The following LATS1 variants were observed in gnomAD, a reference collection of about 807,000 sequenced individuals.
The protein encoded by LATS1 is large tumor suppressor kinase 1, also known as serine/threonine-protein kinase LATS1.
A neutral mutation model predicts 106.6 loss-of-function variants in LATS1; 25 were observed. That is an observed-to-expected ratio of 0.23 (90% CI 0.17 to 0.33). The LOEUF (loss-of-function observed/expected upper bound fraction) is 0.33, where lower values mean the gene tolerates loss of function less well. Among genes scored for constraint, LATS1 ranks in the 10% least tolerant of loss-of-function variants. The probability of loss-of-function intolerance (pLI) is 1.00; values close to 1 mark genes in which losing one functional copy is unlikely to be tolerated. For missense variants in LATS1, 1,040 were observed against 1,382.6 expected, an observed-to-expected ratio of 0.75 and a Z score of 3.93; for synonymous variants, 465 against 455.6, an observed-to-expected ratio of 1.02 and a Z score of -0.26.
intron 3 of LATS1, among the ~76,000 whole-genome samples, chr6:149,686,484 C>T (rs746457506): frequency 3.3e-5 from 5 of 152,140 alleles, no homozygotes; most frequent in South Asian, 4.1e-4. Context: ...CCATGCCCTC[C>T]GGATCCACTC....
rs1781962635 is a variant in LATS1 at position 149,680,288 on chromosome 6, G to C, written c.2180C>G (p.Thr727Ser). ...AGTTTTTGTTGCATACAAAGCCTTAGTATCTACTTTTCTTGCTAGACAGAC... is the reference window on the plus strand; with the variant it reads ...AGTTTTTGTTGCATACAAAGCCTTACTATCTACTTTTCTTGCTAGACAGAC... Reference protein sequence around the residue: ...GEVCLARKVDTKALYATKTLR... With the variant: ...GEVCLARKVDSKALYATKTLR... The change falls in exon 5 of 8, where the codon ACT becomes AGT. Residue 727 changes from threonine to serine, a missense_variant. Transcript: ENST00000543571. The C allele has an allele frequency of 6.2e-7, 1 of 1,613,750 alleles. No homozygotes were observed. Among genetic ancestry groups the C allele is most frequent in the African/African-American group, 1.3e-5 (1 of 75,048 alleles).
intron 2 of LATS1, among the ~76,000 whole-genome samples, chr6:149,696,372 C>G (rs1291554100): frequency 6.7e-6 from 1 of 149,458 alleles, no homozygotes; most frequent in Non-Finnish European, 1.5e-5. Context: ...AGCTCCAGAC[C>G]AGCCTGACCA....
chr6:149,685,569 A>G (rs1782326300), intron 3 of LATS1, among the ~76,000 whole-genome samples: 1 of 152,096 alleles, frequency 6.6e-6, no homozygotes, highest in Admixed American at 6.6e-5. Flanking sequence ...TATTTTTAGT[A>G]GAGACGGGGT....
At chr6:149,706,871 T>A (rs971685033) in intron 1 of LATS1, among the ~76,000 whole-genome samples, 12 of 152,166 alleles carry the variant, frequency 7.9e-5, no homozygotes, top group Non-Finnish European at 1.2e-4. Context: ...GATAAATTTA[T>A]GTTGTTTTAA....
intron 7 of LATS1, among the ~76,000 whole-genome samples, chr6:149,664,665 T>G (rs1293034352): frequency 6.6e-6 from 1 of 152,078 alleles, no homozygotes; most frequent in Non-Finnish European, 1.5e-5. Context: ...TAATAACAGG[T>G]AGATTAGGGG....
rs1469259238 is a variant in LATS1 at position 149,669,832 on chromosome 6, GTTC to G, written c.2883+6425_2883+6427del. Among the ~76,000 whole-genome samples the G allele has an allele frequency of 2.0e-5, 3 of 151,902 alleles. No homozygotes were observed. The East Asian group carries it at 5.8e-4, about 29-fold the overall frequency. On this transcript the variant is annotated intron_variant, in intron 7 of 7. Transcript: ENST00000543571. ...ATAAAGGGACCTATATGGCAGTATG[GTTC>G]TACATTGAACTTGAAGTGGTAAAGT...
Position 149,695,058 on chromosome 6 carries a change from A to G in LATS1, c.496+16T>C. ...GTAAAAGAAGAGATGAGAAAATAAA[A>G]TATTTGATTAATCACCTGGTTTCAT... On this transcript the variant is annotated intron_variant, in intron 3 of 7. Transcript: ENST00000543571. 1 of 1,566,470 alleles carries G rather than the reference A, an allele frequency of 6.4e-7. No homozygotes were observed. Among genetic ancestry groups the G allele is most frequent in the Non-Finnish European group, 8.6e-7 (1 of 1,161,016 alleles).
chr6:149,696,996 C>T (rs918876043), intron 2 of LATS1: 12 of 516,860 alleles, frequency 2.3e-5, no homozygotes, highest in Admixed American at 9.4e-5. Flanking sequence ...CTCTCTTCCA[C>T]TCCTTGTACT....
At position 149,709,493 on chromosome 6, in the gene LATS1, G is replaced by A. The variant is rs2343263; in HGVS notation, c.-140-7227C>T. On this transcript the variant is annotated intron_variant, in intron 1 of 7. Coordinates refer to ENST00000543571, the MANE Select transcript of LATS1 (RefSeq NM_004690.4). Reference sequence around the variant, plus strand: ...CTCAGGCCTTTTGCCTGATCCAGGAGAGAATCAACCCTGATAAGAAACATT... The same window carrying A: ...CTCAGGCCTTTTGCCTGATCCAGGAAAGAATCAACCCTGATAAGAAACATT... Among the ~76,000 whole-genome samples the A allele has an allele frequency of 3.4e-3, 525 of 152,190 alleles. 3 individuals are homozygous for A. The highest frequency in any genetic ancestry group is 0.012 in the African/African-American group (499 of 41,520).
At position 149,705,201 on chromosome 6, in the gene LATS1, C is replaced by T. The variant is rs148292591; in HGVS notation, c.-140-2935G>A. ...TGTAAATGAAATTAGGATGGACATA[C>T]CATGTGCTTTTTATGAAGGAAGCTG... On this transcript the variant is annotated intron_variant, in intron 1 of 7. Coordinates refer to ENST00000543571, the MANE Select transcript of LATS1 (RefSeq NM_004690.4). Among the ~76,000 whole-genome samples the T allele has an allele frequency of 1.9e-3, 287 of 152,088 alleles. 3 individuals carry two copies. The highest frequency in any genetic ancestry group is 0.016 in the Admixed American group (249 of 15,276).
At chr6:149,676,001 C>CA in intron 7 of LATS1, 1 of 393,560 alleles carries the variant, frequency 2.5e-6, no homozygotes, top group South Asian at 2.6e-5. Flanking sequence ...CAAGTTCATT[C>CA]TTTTCCTTTT....
At chr6:149,677,248 C>T (rs534806966) in intron 5 of LATS1, among the ~76,000 whole-genome samples, 4 of 152,246 alleles carry the variant, frequency 2.6e-5, no homozygotes, top group African/African-American at 9.6e-5. Flanking sequence ...GACTGAATGG[C>T]TAGGGAAGAC....
intron 1 of LATS1, chr6:149,716,207 C>A (rs999611600): frequency 6.6e-6 from 1 of 151,946 alleles, no homozygotes; most frequent in Non-Finnish European, 1.5e-5. Flanking sequence ...AGAAAGGTAC[C>A]CTGGCTGGGT....
chr6:149,691,945 C>T (rs563124274), intron 3 of LATS1, among the ~76,000 whole-genome samples: 8 of 152,174 alleles, frequency 5.3e-5, no homozygotes, highest in African/African-American at 1.7e-4. Flanking sequence ...AATCTATTAC[C>T]AAGTCCTTGT....
In LATS1 at chr6:149,684,490, T is replaced by C. The variant is rs779968904; in HGVS notation, c.599A>G (p.Tyr200Cys). ...HGPPLGESVA[Y>C]HSESPNSQTD... is the part of the protein sequence containing the mutation. ...CTGTGAGTTGGGACTCTCAGAATGA[T>C]AGGCCACACTTTCTCCTAGTGGCGG... The change falls in exon 4 of 8, where the codon TAT becomes TGT. Residue 200 changes from tyrosine (Y) to cysteine (C), a missense_variant. By Grantham distance (194) the Tyr-to-Cys change is radical. This residue lies in a region of LATS1 where 624 missense variants were observed against 714.8 expected (regional missense o/e 0.87). Coordinates refer to ENST00000543571, the MANE Select transcript of LATS1 (RefSeq NM_004690.4). The C allele has an allele frequency of 2.5e-6, 4 of 1,614,020 alleles. No homozygotes were observed. Among genetic ancestry groups the C allele is most frequent in the African/African-American group, 1.3e-5 (1 of 74,926 alleles).
intron 1 of LATS1, among the ~76,000 whole-genome samples, chr6:149,711,983 A>T (rs1422288633): frequency 3.9e-5 from 6 of 152,136 alleles, no homozygotes; most frequent in Non-Finnish European, 5.9e-5. Flanking sequence ...AGAGAGAGAG[A>T]GAGTGCGCAC....
intron 7 of LATS1, among the ~76,000 whole-genome samples, chr6:149,673,345 C>A (rs1419147996): frequency 6.6e-6 from 1 of 151,804 alleles, no homozygotes; most frequent in African/African-American, 2.4e-5. Context: ...GCAATCCACC[C>A]GCCTTGGCTT....
At chr6:149,671,036 A>G (rs1330978432) in intron 7 of LATS1, among the ~76,000 whole-genome samples, 1 of 151,878 alleles carries the variant, frequency 6.6e-6, no homozygotes, top group Non-Finnish European at 1.5e-5. Context: ...TAAAAGTACT[A>G]TAGCTTTAAG....
chr6:149,668,971 C>T (rs1340579323), intron 7 of LATS1, among the ~76,000 whole-genome samples: 2 of 151,820 alleles, frequency 1.3e-5, no homozygotes, highest in Non-Finnish European at 2.9e-5. Context: ...CTGCCACACA[C>T]CAGCATGCTA....
Sources: allele counts gnomAD v4.1 joint callset (sites outside exome capture counted in the v4.1 genomes callset), GRCh38; gene constraint gnomAD v4.1.1; regional missense constraint gnomAD v4.1.1; transcripts MANE v1.5; gene names NCBI Gene and HGNC (gene_info 2026-07-23, HGNC 2026-07-21).